SCRN1: variants seen among roughly 807,000 people sequenced by gnomAD.
The protein encoded by SCRN1 is secernin 1, also known as secernin-1.
SCRN1 carries 19 observed loss-of-function variants against 43.3 expected under a neutral mutation model. That is an observed-to-expected ratio of 0.44 (90% CI 0.31 to 0.64). The LOEUF is 0.64. SCRN1 is among the 30% of genes least tolerant of loss of function. The probability of loss-of-function intolerance (pLI) is 0.09; values close to 1 mark genes in which losing one functional copy is unlikely to be tolerated. For missense variants in SCRN1, 447 were observed against 524.1 expected (o/e 0.85, Z 1.44); for synonymous variants, 183 against 188.9 (o/e 0.97, Z 0.26).
Position 29,921,242 on chromosome 7 carries a change from GACCCTTAAA to G in SCRN1, c.*2706_*2714del. 1 of 152,700 alleles carries G rather than the reference GACCCTTAAA, an allele frequency of 6.5e-6. No homozygotes were observed. Among genetic ancestry groups the G allele is most frequent in the Admixed American group, 6.5e-5 (1 of 15,296 alleles). The allele number at this position is 152,700 out of a possible 1,614,324, so 9.5% of individuals were successfully genotyped here. ...TCCTAGGAAGCTACTTATACACTATGACCCTTAAACATAATTTTTGTATTTCATCTTGAA... is the reference window on the plus strand; with the variant it reads ...TCCTAGGAAGCTACTTATACACTATGCATAATTTTTGTATTTCATCTTGAA... On this transcript the variant is annotated 3_prime_UTR_variant, in exon 8 of 8. Transcript: ENST00000242059.
chr7:29,947,194 G>C, intron 3 of SCRN1: 1 of 1,550,318 alleles, frequency 6.5e-7, no homozygotes, highest in Non-Finnish European at 8.7e-7. Flanking sequence ...AGCTTGCTCT[G>C]GGCCTGGGAA....
intron 4 of SCRN1, among the ~76,000 whole-genome samples, chr7:29,943,613 G>T (rs1787630042): frequency 6.6e-6 from 1 of 152,182 alleles, no homozygotes; most frequent in African/African-American, 2.4e-5. Context: ...GGGGTGACAA[G>T]GAGCTACTGT....
intron 1 of SCRN1, 141 bp downstream of exon 1, chr7:29,989,501 G>A (rs1017720683): frequency 2.1e-6 from 2 of 964,684 alleles, no homozygotes; most frequent in Non-Finnish European, 2.5e-6. Context: ...CCAGCACCGG[G>A]AATCGGCCTG....
intron 1 of SCRN1, chr7:29,988,954 A>C (rs1789258614): frequency 6.6e-6 from 1 of 152,196 alleles, no homozygotes; most frequent in Non-Finnish European, 1.5e-5. Flanking sequence ...GAGCGAGCCG[A>C]GGAGGCAGAG....
At chr7:29,964,953 T>A (rs538488759) in intron 2 of SCRN1, among the ~76,000 whole-genome samples, 108 of 148,670 alleles carry the variant, frequency 7.3e-4, no homozygotes, top group African/African-American at 2.6e-3. Flanking sequence ...AAAAACAAAA[T>A]ATATATATAT....
Position 29,926,077 on chromosome 7 carries a change from G to T in SCRN1, c.1086+375C>A, listed in dbSNP as rs541781105. On this transcript the variant is annotated intron_variant, in intron 7 of 7. Transcript: ENST00000242059. ...ATGATTGTATCTTTAATAAAATGTT[G>T]CCAGCAAATAACAACTTTTTACCCC... 1.2e-4 allele frequency among the ~76,000 whole-genome samples: 18 copies of T among 152,174 alleles called. No individual in the cohort carries two copies. In the South Asian group the frequency reaches 3.7e-3, roughly 32 times the overall value.
intron 1 of SCRN1, among the ~76,000 whole-genome samples, chr7:29,974,169 GA>G (rs1788741339): frequency 6.6e-6 from 1 of 152,076 alleles, no homozygotes; most frequent in African/African-American, 2.4e-5. Context: ...TATAATCCCA[GA>G]AATGATTTTT....
In SCRN1 at chr7:29,920,302, C is replaced by T. The variant is rs1328060489; in HGVS notation, c.*3655G>A. The T allele has an allele frequency of 6.6e-6, 1 of 152,172 alleles. No individual in the cohort carries two copies. Among genetic ancestry groups the T allele is most frequent in the Non-Finnish European group, 1.5e-5 (1 of 68,016 alleles). 9.4% of individuals were successfully genotyped at this position (152,172 alleles called of 1,614,324 possible). On this transcript the variant is annotated 3_prime_UTR_variant, in exon 8 of 8. Coordinates refer to ENST00000242059, the MANE Select transcript of SCRN1 (RefSeq NM_014766.5). ...ATTATTCCCTGCCAATAGCATTTTC[C>T]ATCTAACACATTTAAATTCTCACAG...
At chr7:29,934,671 A>C (rs927106954) in intron 6 of SCRN1, among the ~76,000 whole-genome samples, 1 of 152,236 alleles carries the variant, frequency 6.6e-6, no homozygotes, top group Admixed American at 6.5e-5. Flanking sequence ...AGTGGGTAGA[A>C]GGTATGGCCA....
At chr7:29,975,599 A>G (rs1034148298) in intron 1 of SCRN1, among the ~76,000 whole-genome samples, 1 of 152,252 alleles carries the variant, frequency 6.6e-6, no homozygotes, top group Non-Finnish European at 1.5e-5. Context: ...CTCTAATTTT[A>G]AGTTTAGGTC....
At chr7:29,972,137 A>G (rs940075663) in intron 1 of SCRN1, among the ~76,000 whole-genome samples, 2 of 152,258 alleles carry the variant, frequency 1.3e-5, no homozygotes, top group African/African-American at 4.8e-5. Context: ...TTATGAAATC[A>G]AATGCCTTTA....
chr7:29,931,975 C>T (rs1182318262), intron 6 of SCRN1, among the ~76,000 whole-genome samples: 3 of 152,042 alleles, frequency 2.0e-5, no homozygotes, highest in Non-Finnish European at 4.4e-5. Flanking sequence ...TATGTACCCA[C>T]AAAAATTAAA....
At chr7:29,932,705 G>A (rs990394985) in intron 6 of SCRN1, among the ~76,000 whole-genome samples, 2 of 144,886 alleles carry the variant, frequency 1.4e-5, no homozygotes, top group Non-Finnish European at 3.0e-5. Flanking sequence ...AGGAGAAGAG[G>A]AGGAAACAAA....
At chr7:29,953,306 T>C (rs1294401726) in intron 3 of SCRN1, among the ~76,000 whole-genome samples, 23 of 152,238 alleles carry the variant, frequency 1.5e-4, no homozygotes, top group Admixed American at 1.5e-3. Context: ...AGCTTTGAGC[T>C]GCTTCATGTA....
chr7:29,935,914 G>A (rs1472866110), intron 6 of SCRN1, among the ~76,000 whole-genome samples: 1 of 152,196 alleles, frequency 6.6e-6, no homozygotes, highest in Non-Finnish European at 1.5e-5. Context: ...GCTTAGAGAG[G>A]TGAAATAACT....
chr7:29,940,846 GA>G lies in SCRN1; in HGVS notation c.574del (p.Ser192ArgfsTer42). ...EGVRCICSQL[S>X]LTTKMDAEHP... ...CTCTGCATCCATCTTAGTGGTGAGC[GA>G]AAGCTGACTGCAAATGCACCTCACT... On this transcript the variant is annotated frameshift_variant, in exon 5 of 8. Transcript: ENST00000242059. LOFTEE classifies it high-confidence loss of function. The G allele has an allele frequency of 6.4e-7, 1 of 1,559,620 alleles. No individual in the cohort carries two copies. The highest frequency in any genetic ancestry group is 8.6e-7 in the Non-Finnish European group (1 of 1,159,760).
rs1423488345 is a variant in SCRN1, at chr7:29,936,614, G to T, written c.847C>A (p.Pro283Thr). 1.2e-6 allele frequency: 2 copies of T among 1,607,074 alleles called. No homozygotes were observed. The highest frequency in any genetic ancestry group is 8.5e-7 in the Non-Finnish European group (1 of 1,174,570). ...LTTASGVSVL[P>T]QNRSSPCIHY... is the part of the protein sequence containing the mutation. ...ATGCACGGAGAGCTTCTATTCTGCG[G>T]CAGGACAGACACTCCACTGGCTGTG... The change falls in exon 6 of 8, where the codon CCG becomes ACG. Residue 283 changes from proline to threonine, a missense_variant. Physicochemically the swap from Pro to Thr is conservative, Grantham distance 38. Transcript: ENST00000242059.
At chr7:29,967,489 G>T (rs1252555437) in intron 2 of SCRN1, among the ~76,000 whole-genome samples, 1 of 151,302 alleles carries the variant, frequency 6.6e-6, no homozygotes, top group Non-Finnish European at 1.5e-5. Flanking sequence ...TCAGCCTCCA[G>T]GGTAGCTGGG....
chr7:29,935,937 A>G (rs1450237369), intron 6 of SCRN1, among the ~76,000 whole-genome samples: 2 of 152,232 alleles, frequency 1.3e-5, no homozygotes, highest in African/African-American at 2.4e-5. Context: ...TTCAGCTACT[A>G]TGTGGCAAAG....
Sources: gnomAD v4.1 joint callset for allele counts (sites outside exome capture counted in the v4.1 genomes callset) on GRCh38, gnomAD v4.1.1 for gene constraint, MANE v1.5 for transcripts, NCBI Gene and HGNC (gene_info 2026-07-23, HGNC 2026-07-21) for gene names.